The following ABCC6 variants were observed in gnomAD, a reference collection of about 807,000 sequenced individuals.
ABCC6 encodes the protein ATP binding cassette subfamily C member 6, also known as ATP-binding cassette sub-family C member 6.
Under a neutral mutation model 169.5 loss-of-function variants are expected in ABCC6, and 126 were observed. The ratio of observed to expected loss-of-function variants is 0.74; its 90% CI spans 0.64 to 0.86. The LOEUF (loss-of-function observed/expected upper bound fraction) is 0.86. Among genes scored for constraint, ABCC6 ranks in the 40% least tolerant of loss-of-function variants. The pLI, the probability that ABCC6 is intolerant of heterozygous loss-of-function variation, is 0.00. For missense variants in ABCC6, 1,733 were observed against 1,927.2 expected (o/e 0.90, Z 1.89); for synonymous variants, 752 against 814.7 (o/e 0.92, Z 1.31).
At position 16,192,906 on chromosome 16, in the gene ABCC6, G is replaced by A; in HGVS notation, c.1355C>T (p.Ala452Val). ...CAGGAAGACAGCGATGGCAGTGAGG[G>A]CGGAGGGCCCCAGGAGCTGGGGATA... Reference protein sequence around the residue: ...VYLWQLLGPSALTAIAVFLSL... With the variant: ...VYLWQLLGPSVLTAIAVFLSL... Residue 452 changes from alanine (A) to valine (V), a missense_variant, in exon 11 of 31, where the codon GCC becomes GTC. Ala to Val is a moderately conservative substitution (Grantham distance 64). Around this residue, in one of 5 missense-constraint regions of ABCC6, gnomAD observed 1,601 missense variants for 1,635.5 expected, o/e 0.98. Transcript: ENST00000205557. 6.2e-7 allele frequency: 1 copy of A among 1,614,156 alleles called. No individual in the cohort carries two copies. Among genetic ancestry groups the A allele is most frequent in the Non-Finnish European group, 8.5e-7 (1 of 1,180,020 alleles).
At chr16:16,162,840 C>T (rs1030080312) in intron 24 of ABCC6, among the ~76,000 whole-genome samples, 153 bp downstream of exon 24, 4 of 152,150 alleles carry the variant, frequency 2.6e-5, no homozygotes, top group African/African-American at 9.7e-5. Flanking sequence ...TCCATCTGCC[C>T]ACGGTGAGAA....
intron 10 of ABCC6, among the ~76,000 whole-genome samples, chr16:16,193,689 G>A (rs1176103822): frequency 1.3e-5 from 2 of 152,214 alleles, no homozygotes; most frequent in African/African-American, 4.8e-5. Flanking sequence ...ACTCCAGCCT[G>A]GGTGGCAGAG....
At chr16:16,175,505 T>C (rs981105942) in intron 20 of ABCC6, among the ~76,000 whole-genome samples, 1 of 152,130 alleles carries the variant, frequency 6.6e-6, no homozygotes, top group African/African-American at 2.4e-5. Flanking sequence ...CAGCGTCAAG[T>C]GATGCTGTGC....
intron 25 of ABCC6, among the ~76,000 whole-genome samples, chr16:16,161,020 G>A (rs566661141): frequency 2.0e-5 from 3 of 152,178 alleles, no homozygotes; most frequent in South Asian, 4.2e-4. Context: ...CATAAGAATC[G>A]CTTGAACCCA....
At chr16:16,194,032 G>T (rs1366534682) in intron 10 of ABCC6, among the ~76,000 whole-genome samples, 1 of 152,226 alleles carries the variant, frequency 6.6e-6, no homozygotes, top group Non-Finnish European at 1.5e-5. Flanking sequence ...ATTCAAGACA[G>T]ATTGTGCACA....
At chr16:16,199,125 G>A (rs540071846) in intron 9 of ABCC6, among the ~76,000 whole-genome samples, 182 of 148,996 alleles carry the variant, frequency 1.2e-3, no homozygotes, top group African/African-American at 4.3e-3. Context: ...CCATGTTGGT[G>A]CCACTGCACT....
intron 29 of ABCC6, among the ~76,000 whole-genome samples, chr16:16,151,872 G>A (rs7192634): frequency 0.22 from 33,613 of 151,830 alleles, 4,449 homozygotes; most frequent in Non-Finnish European, 0.28. Flanking sequence ...ATCCGTCCTC[G>A]CTGAATCGTG....
chr16:16,160,628 CAAAAAAAAA>C (rs34511090), intron 25 of ABCC6, among the ~76,000 whole-genome samples: 11 of 76,398 alleles, frequency 1.4e-4, no homozygotes, highest in Admixed American at 5.9e-4. Context: ...CTGTTTCTAC[CAAAAAAAAA>C]AAAAAAAAAA....
chr16:16,206,465 T>C (rs2048394304), intron 7 of ABCC6, among the ~76,000 whole-genome samples: 1 of 151,660 alleles, frequency 6.6e-6, no homozygotes, highest in Admixed American at 6.6e-5. Flanking sequence ...AAACCCCGCC[T>C]CTAATAAAAA....
intron 25 of ABCC6, among the ~76,000 whole-genome samples, chr16:16,160,628 CAAAAAAA>C (rs34511090): frequency 0.011 from 862 of 76,386 alleles, 11 homozygotes; most frequent in Non-Finnish European, 0.014. Context: ...CTGTTTCTAC[CAAAAAAA>C]AAAAAAAAAA....
chr16:16,215,010 A>G (rs1375167178), intron 4 of ABCC6, among the ~76,000 whole-genome samples: 1 of 152,220 alleles, frequency 6.6e-6, no homozygotes, highest in Non-Finnish European at 1.5e-5. Context: ...ATGATTGGCC[A>G]CAGCTGCTGG....
chr16:16,216,582 G>T (rs904166968), intron 4 of ABCC6, among the ~76,000 whole-genome samples: 2 of 152,076 alleles, frequency 1.3e-5, no homozygotes. Context: ...TTCGTCTGTT[G>T]ATGGACACTT....
At chr16:16,203,719 G>C in intron 7 of ABCC6, 106 bp from the exon 8 acceptor site, 4 of 1,234,360 alleles carry the variant, frequency 3.2e-6, no homozygotes, top group Non-Finnish European at 4.7e-6. Flanking sequence ...GAGATGGGTG[G>C]GTGTGGATCT....
chr16:16,154,515 G>A (rs991226502), intron 29 of ABCC6, 113 bp downstream of exon 29: 37 of 1,337,044 alleles, frequency 2.8e-5, no homozygotes, highest in Non-Finnish European at 3.7e-5. Context: ...GGTTATTAAT[G>A]TAACAGAGTG....
chr16:16,172,129 T>TGGGTG, intron 21 of ABCC6, among the ~76,000 whole-genome samples: 1 of 66,896 alleles, frequency 1.5e-5, no homozygotes, highest in Non-Finnish European at 3.3e-5. Flanking sequence ...GATAAATGAA[T>TGGGTG]GGATGGGATG....
chr16:16,185,202 C>T (rs537955495), intron 14 of ABCC6, among the ~76,000 whole-genome samples, 168 bp from the exon 15 acceptor site: 1 of 152,178 alleles, frequency 6.6e-6, no homozygotes. Context: ...TGGGTGACCC[C>T]GCAGGGTTCT....
intron 7 of ABCC6, among the ~76,000 whole-genome samples, chr16:16,205,637 A>G (rs1205483806): frequency 6.6e-6 from 1 of 152,126 alleles, no homozygotes; most frequent in Non-Finnish European, 1.5e-5. Flanking sequence ...TGCCCCTTCC[A>G]TACAGAGAGC....
At chr16:16,156,942 CA>C (rs33984541) in intron 27 of ABCC6, among the ~76,000 whole-genome samples, 9,747 of 100,978 alleles carry the variant, frequency 0.097, 326 homozygotes, top group South Asian at 0.15. Context: ...GACTCTGTCT[CA>C]AAAAAAAAAA....
At chr16:16,173,176 G>A (rs988819709) in intron 21 of ABCC6, 108 bp downstream of exon 21, 132 of 1,488,054 alleles carry the variant, frequency 8.9e-5, no homozygotes, top group Non-Finnish European at 1.2e-4. Context: ...CATAGTAGGT[G>A]CTCAAGAAAG....
Sources: allele counts gnomAD v4.1 joint callset (sites outside exome capture counted in the v4.1 genomes callset), GRCh38; gene constraint gnomAD v4.1.1; regional missense constraint gnomAD v4.1.1; transcripts MANE v1.5; gene names NCBI Gene and HGNC (gene_info 2026-07-23, HGNC 2026-07-21).